Variants in PHF21A observed in about 807,000 individuals in gnomAD.
The protein encoded by PHF21A is BHC80a.
In PHF21A, 11 loss-of-function variants were observed where a neutral mutation model predicts 82.5. The observed-to-expected ratio is 0.13, with a 90% CI of 0.08 to 0.22. PHF21A has a LOEUF of 0.22. Among genes scored for constraint, PHF21A ranks in the 10% least tolerant of loss-of-function variants. PHF21A has a pLI of 1.00. For missense variants in PHF21A, 579 were observed against 837.8 expected (o/e 0.69, Z 3.81); for synonymous variants, 297 against 302.8 (o/e 0.98, Z 0.20).
At chr11:45,996,636 G>A (rs1366410851) in intron 6 of PHF21A, among the ~76,000 whole-genome samples, 6 of 152,216 alleles carry the variant, frequency 3.9e-5, no homozygotes, top group African/African-American at 1.4e-4. Context: ...CTGAGCAAAG[G>A]CTAGGTGTAC....
intron 6 of PHF21A, among the ~76,000 whole-genome samples, chr11:46,013,508 G>A (rs1437846933): frequency 6.6e-6 from 1 of 152,186 alleles, no homozygotes; most frequent in African/African-American, 2.4e-5. Context: ...AATGGAAACT[G>A]CAGGTAAGTG....
At position 45,990,712 on chromosome 11, in the gene PHF21A, G is replaced by GTT. The variant is rs35982936; in HGVS notation, c.154-10748_154-10747dup. Among the ~76,000 whole-genome samples the GTT allele has an allele frequency of 8.6e-3, 1,275 of 147,486 alleles. 13 individuals carry two copies. The highest frequency in any genetic ancestry group is 0.026 in the African/African-American group (1,042 of 40,308). ...GAACATAAAGGCAGTCCCTTGATTT[G>GTT]TTTTTTTTTTTTAAAGAAGACTTTA... On this transcript the variant is annotated intron_variant, in intron 6 of 18. Transcript: ENST00000676320.
At chr11:46,048,181 G>A (rs754936395) in intron 6 of PHF21A, among the ~76,000 whole-genome samples, 12 of 152,160 alleles carry the variant, frequency 7.9e-5, no homozygotes, top group Middle Eastern at 3.4e-3. Context: ...CCCCAGCCCT[G>A]GGCAACCATT....
chr11:46,018,559 A>G (rs2095565029), intron 6 of PHF21A, among the ~76,000 whole-genome samples: 2 of 152,252 alleles, frequency 1.3e-5, no homozygotes, highest in South Asian at 2.1e-4. Flanking sequence ...CCGTCTGTGC[A>G]TAATTTATGT....
chr11:45,935,172 C>T (rs1005264120), intron 18 of PHF21A: 4 of 1,289,642 alleles, frequency 3.1e-6, no homozygotes, highest in Non-Finnish European at 3.0e-6. Flanking sequence ...TCAGGAAAAC[C>T]GGGAAATGCA....
rs1007188068 is a variant in PHF21A at position 45,965,697 on chromosome 11, G to T, written c.703-89C>A. On this transcript the variant is annotated intron_variant, in intron 9 of 18. Transcript: ENST00000676320. ...TCTTCCACACTCTATGTATGAAATG[G>T]TGTTTAATACACTTATTAATGTTCA... 24 of 964,212 alleles carry T rather than the reference G, an allele frequency of 2.5e-5. No individual in the cohort carries two copies. The Admixed American group carries it at 5.9e-4, about 24-fold the overall frequency. The allele number at this position is 964,212 out of a possible 1,614,324, so 59.7% of individuals were successfully genotyped here.
intron 1 of PHF21A, among the ~76,000 whole-genome samples, chr11:46,119,548 C>T (rs1230579472): frequency 6.6e-6 from 1 of 152,148 alleles, no homozygotes; most frequent in African/African-American, 2.4e-5. Flanking sequence ...GTCGTACCCT[C>T]ATCACAACAA....
At chr11:46,032,806 G>T (rs1340507302) in intron 6 of PHF21A, among the ~76,000 whole-genome samples, 1 of 151,980 alleles carries the variant, frequency 6.6e-6, no homozygotes, top group Admixed American at 6.6e-5. Context: ...ATGAAACTGA[G>T]CATCGCTTCA....
At position 45,931,555 on chromosome 11, in the gene PHF21A, T is replaced by C. The variant is rs920422661; in HGVS notation, c.*2413A>G. 4 of 152,278 alleles carry C rather than the reference T, an allele frequency of 2.6e-5. No individual in the cohort carries two copies. Among genetic ancestry groups the C allele is most frequent in the African/African-American group, 7.2e-5 (3 of 41,460 alleles). 9.4% of individuals were successfully genotyped at this position (152,278 alleles called of 1,614,324 possible). A position where few individuals can be genotyped will look rare whatever the true frequency, so the allele number is the denominator to read the frequency against. On this transcript the variant is annotated 3_prime_UTR_variant, in exon 19 of 19. Coordinates refer to ENST00000676320, the MANE Select transcript of PHF21A (RefSeq NM_001352027.3). The stretch of plus-strand genomic sequence containing the variant: ...AGGCCCCTGGGAAGATGAAAGGCGA[T>C]GGCTGATAGAGATGAGACACATTTT...
At chr11:45,978,255 T>C (rs970933351) in intron 7 of PHF21A, among the ~76,000 whole-genome samples, 2 of 152,092 alleles carry the variant, frequency 1.3e-5, no homozygotes, top group Admixed American at 6.6e-5. Context: ...GAGCCAAGAC[T>C]GCGCCACTGC....
chr11:45,936,933 G>A (rs879443081), intron 16 of PHF21A: 5 of 192,102 alleles, frequency 2.6e-5, no homozygotes, highest in African/African-American at 4.7e-5. Context: ...TGGCAGTTTC[G>A]TCCTTGACCT....
At chr11:45,971,036 A>G in intron 8 of PHF21A, 80 bp downstream of exon 8, 1 of 1,458,682 alleles carries the variant, frequency 6.9e-7, no homozygotes, top group Non-Finnish European at 9.2e-7. Context: ...ATCCAGCAGG[A>G]GCCTAGAAGG....
At chr11:46,041,811 T>C (rs947539221) in intron 6 of PHF21A, among the ~76,000 whole-genome samples, 1 of 152,210 alleles carries the variant, frequency 6.6e-6, no homozygotes, top group Non-Finnish European at 1.5e-5. Context: ...TCTTCTCCCA[T>C]GAACCATCTG....
At chr11:46,031,956 A>G (rs1000263041) in intron 6 of PHF21A, among the ~76,000 whole-genome samples, 2 of 152,174 alleles carry the variant, frequency 1.3e-5, no homozygotes, top group African/African-American at 2.4e-5. Context: ...ATTTTCCCCA[A>G]TGCACATCTT....
At chr11:46,071,722 T>C (rs913086422) in intron 6 of PHF21A, among the ~76,000 whole-genome samples, 1 of 72,472 alleles carries the variant, frequency 1.4e-5, no homozygotes, top group Admixed American at 1.8e-4. Context: ...CAAAGCAATA[T>C]TGATAATAGC....
chr11:45,944,924 C>T (rs1435105515), intron 15 of PHF21A, among the ~76,000 whole-genome samples: 1 of 152,102 alleles, frequency 6.6e-6, no homozygotes, highest in African/African-American at 2.4e-5. Context: ...ACGCCATGCC[C>T]GGCTAATTTT....
intron 6 of PHF21A, among the ~76,000 whole-genome samples, chr11:46,059,964 A>T (rs1263003759): frequency 2.0e-5 from 3 of 152,112 alleles, no homozygotes; most frequent in Admixed American, 6.5e-5. Flanking sequence ...GCCTGGTCTC[A>T]AACTCCTGAC....
chr11:46,031,372 A>G (rs1305086764), intron 6 of PHF21A, among the ~76,000 whole-genome samples: 1 of 152,182 alleles, frequency 6.6e-6, no homozygotes, highest in Non-Finnish European at 1.5e-5. Context: ...AATGTAGCTC[A>G]GATTGATTAT....
chr11:46,081,610 G>A (rs531754958), intron 4 of PHF21A, among the ~76,000 whole-genome samples: 1 of 152,316 alleles, frequency 6.6e-6, no homozygotes, highest in Admixed American at 6.5e-5. Flanking sequence ...AGGACAGGAC[G>A]AGCTGGCCAA....
Sources: gnomAD v4.1 joint callset for allele counts (sites outside exome capture counted in the v4.1 genomes callset) on GRCh38, gnomAD v4.1.1 for gene constraint, MANE v1.5 for transcripts, NCBI Gene and HGNC (gene_info 2026-07-23, HGNC 2026-07-21) for gene names.